The following SALL2 variants were observed in gnomAD, a reference collection of about 807,000 sequenced individuals.
SALL2 encodes the protein spalt like transcription factor 2.
In SALL2, 32 loss-of-function variants were observed where a neutral mutation model predicts 58.5. The ratio of observed to expected loss-of-function variants is 0.55; its 90% CI spans 0.41 to 0.74. The LOEUF is 0.74. Among genes scored for constraint, SALL2 ranks in the 30% least tolerant of loss-of-function variants. SALL2 has a pLI of 0.00. For synonymous variants in SALL2, 516 were observed against 513.6 expected, an observed-to-expected ratio of 1.00 and a Z score of -0.06; for missense variants, 1,201 against 1,268.9, an observed-to-expected ratio of 0.95 and a Z score of 0.81.
At position 21,524,731 on chromosome 14, in the gene SALL2, G is replaced by A. The variant is rs1337199859; in HGVS notation, c.991C>T (p.Leu331Phe). Residue 331 changes from leucine (L) to phenylalanine (F), a missense_variant, in exon 2 of 2, where the codon CTT becomes TTT. Coordinates refer to ENST00000537235, the MANE Select transcript of SALL2 (RefSeq NM_001364564.1). ...GCCTCAAGGCCTCGGGCTGCCCCAA[G>A]ACACTGTGCTGCCAGTAGTCCCGTG... ...STTGLLAAQCLGAARGLEATA... is the reference protein window; with the variant it reads ...STTGLLAAQCFGAARGLEATA... 1.2e-6 allele frequency: 2 copies of A among 1,612,366 alleles called. No individual in the cohort carries two copies. The highest frequency in any genetic ancestry group is 4.5e-5 in the East Asian group (2 of 44,870).
chr14:21,536,734 G>A, intron 1 of SALL2: 1 of 745,744 alleles, frequency 1.3e-6, no homozygotes, highest in Non-Finnish European at 2.3e-6. Flanking sequence ...CAAACCCCCA[G>A]TGACCAAGTC....
rs934979933 is a variant in SALL2 at position 21,536,957 on chromosome 14, C to G, written c.-114+5G>C. The stretch of plus-strand genomic sequence containing the variant: ...AGAGTTGGGAGAGGGAGGGGCAACG[C>G]TCACTTGGTCTTAACCGGGGTGACC... On this transcript the variant is annotated splice_donor_5th_base_variant and intron_variant, in intron 1 of 1. Coordinates refer to the SALL2 transcript ENST00000541965. The G allele has an allele frequency of 2.5e-6, 4 of 1,595,280 alleles. No homozygotes were observed. In the African/African-American group the frequency reaches 5.4e-5, roughly 21 times the overall value.
upstream of SALL2, chr14:21,537,112 ACTCTCT>A: frequency 1.7e-6 from 1 of 576,000 alleles, no homozygotes; most frequent in South Asian, 2.2e-5. Context: ...TCTGTTCTTG[ACTCTCT>A]CTCTTTCTCT....
At chr14:21,535,346 A>C (rs1414278000) in intron 1 of SALL2, among the ~76,000 whole-genome samples, 1 of 144,790 alleles carries the variant, frequency 6.9e-6, no homozygotes, top group Non-Finnish European at 1.5e-5. Flanking sequence ...CTCTCTCTCA[A>C]AAAAAAAAAA....
intron 1 of SALL2, among the ~76,000 whole-genome samples, chr14:21,531,525 C>T (rs189590575): frequency 6.6e-6 from 1 of 151,606 alleles, no homozygotes; most frequent in African/African-American, 2.4e-5. Flanking sequence ...TCCTGCCTCA[C>T]CCTCCCTAGT....
rs1268107540 is a variant in SALL2, at chr14:21,524,021, G to A, written c.1701C>T (p.Ser567=). Residue 567 remains serine, a synonymous_variant, in exon 2 of 2, where the codon TCC becomes TCT. Coordinates refer to ENST00000537235, the MANE Select transcript of SALL2 (RefSeq NM_001364564.1). ...SWALLTNHFK[S]TGSFPFPYVL... ...CATAGGGGAAGGGGAAGCTGCCAGT[G>A]GACTTGAAGTGGTTGGTAAGCAGTG... 3.7e-6 allele frequency: 6 copies of A among 1,614,226 alleles called. No homozygotes were observed. The South Asian group carries it at 6.6e-5, about 18-fold the overall frequency.
At chr14:21,527,458 C>G (rs1420090274), upstream of SALL2, among the ~76,000 whole-genome samples, 1 of 152,170 alleles carries the variant, frequency 6.6e-6, no homozygotes, top group African/African-American at 2.4e-5. Context: ...CTCTTACATG[C>G]AGGAAGTGAC....
At chr14:21,533,716 C>T (rs1208016274) in intron 1 of SALL2, among the ~76,000 whole-genome samples, 4 of 151,718 alleles carry the variant, frequency 2.6e-5, no homozygotes, top group African/African-American at 7.3e-5. Context: ...TGAGCAAAAA[C>T]GGCTGGAAAA....
At position 21,523,832 on chromosome 14, in the gene SALL2, C is replaced by G; in HGVS notation, c.1890G>C (p.Gln630His). Residue 630 changes from glutamine to histidine, a missense_variant, in exon 2 of 2, where the codon CAG becomes CAC. This residue lies in a region of SALL2 where 675 missense variants were observed against 683.8 expected (regional missense o/e 0.99). Coordinates refer to ENST00000537235, the MANE Select transcript of SALL2 (RefSeq NM_001364564.1). The surrounding 1 kb of genome is among the most constrained non-coding windows in gnomAD (Gnocchi z 4.4). ...PSSSASSGPN[Q>H]CVICLRVLSC... ...TAAGCACTCGGAGACAGATGACACA[C>G]TGGTTAGGTCCAGAAGAGGCTGAGG... 1.2e-6 allele frequency: 2 copies of G among 1,614,172 alleles called. No homozygotes were observed. The highest frequency in any genetic ancestry group is 1.1e-5 in the South Asian group (1 of 91,082).
In SALL2 at chr14:21,525,009, G is replaced by T. The variant is rs966906195; in HGVS notation, c.713C>A (p.Pro238His). 9 of 1,613,774 alleles carry T rather than the reference G, an allele frequency of 5.6e-6. No individual in the cohort carries two copies. The highest frequency in any genetic ancestry group is 7.6e-6 in the Non-Finnish European group (9 of 1,179,900). The change falls in exon 2 of 2, where the codon CCC becomes CAC. Residue 238 changes from proline to histidine, a missense_variant. Transcript: ENST00000537235. This position sits in a 1 kb window ranked among gnomAD's most constrained non-coding sequence, Gnocchi z 4.4. The stretch of plus-strand genomic sequence containing the variant: ...GACAGGCTTGATGGGGCTGAAGAGG[G>T]GTAGTAGGGGCTTGGTGGAAGAGGC... The part of the protein sequence containing the change: ...GTASSTKPLL[P>H]LFSPIKPVQT...
chr14:21,527,416 C>G (rs988402925), upstream of SALL2, among the ~76,000 whole-genome samples: 1 of 152,144 alleles, frequency 6.6e-6, no homozygotes, highest in Non-Finnish European at 1.5e-5. Context: ...TGAAATGAGT[C>G]TTAAAGTGCT....
Position 21,524,685 on chromosome 14 carries a change from A to G in SALL2, c.1037T>C (p.Leu346Pro). 2 of 1,614,038 alleles carry G rather than the reference A, an allele frequency of 1.2e-6. No individual in the cohort carries two copies. The highest frequency in any genetic ancestry group is 1.7e-6 in the Non-Finnish European group (2 of 1,180,024). Residue 346 changes from leucine to proline, a missense_variant, in exon 2 of 2, where the codon CTG (leucine) becomes CCG (proline). This residue lies in a region of SALL2 where 467 missense variants were observed against 468.9 expected (regional missense o/e 1.00). Transcript: ENST00000537235. ...CTCACCACTTCCATTCTTTGGCTTC[A>G]GGAGCCCTGGGGAGGCAGTGGCCTC... ...GLEATASPGL[L>P]KPKNGSGELS... is the part of the protein sequence containing the mutation.
chr14:21,521,946 T>C lies in SALL2; in HGVS notation c.*758A>G. 1 of 1,492,066 alleles carries C rather than the reference T, an allele frequency of 6.7e-7. No homozygotes were observed. Among genetic ancestry groups the C allele is most frequent in the African/African-American group, 1.4e-5 (1 of 72,310 alleles). 92.4% of individuals were successfully genotyped at this position (1,492,066 alleles called of 1,614,324 possible). On this transcript the variant is annotated 3_prime_UTR_variant, in exon 2 of 2. Coordinates refer to ENST00000537235, the MANE Select transcript of SALL2 (RefSeq NM_001364564.1). Reference sequence around the variant, plus strand: ...TTCCTAGGGTTGGGTCACCAATTACTGGAGCATCTTCAGTACCGGCACCTT... The same window carrying C: ...TTCCTAGGGTTGGGTCACCAATTACCGGAGCATCTTCAGTACCGGCACCTT...
At position 21,522,819 on chromosome 14, in the gene SALL2, G is replaced by A. The variant is rs368220424; in HGVS notation, c.2903C>T (p.Ala968Val). Residue 968 changes from alanine to valine, a missense_variant, in exon 2 of 2, where the codon GCC (alanine) becomes GTC (valine). Transcript: ENST00000537235. ...LLAHHQVQPFAPHGPQNIAAL... is the reference protein window; with the variant it reads ...LLAHHQVQPFVPHGPQNIAAL... The stretch of plus-strand genomic sequence containing the variant: ...AGCAATATTCTGAGGGCCATGGGGG[G>A]CAAAGGGCTGTACCTGGTGGTGTGC... 6 of 1,608,610 alleles carry A rather than the reference G, an allele frequency of 3.7e-6. No individual in the cohort carries two copies. In the East Asian group the frequency reaches 6.7e-5, roughly 18 times the overall value.
chr14:21,522,662 C>G lies in SALL2; in HGVS notation c.*42G>C, dbSNP rs45458492. The G allele has an allele frequency of 0.01, 15,113 of 1,506,248 alleles. 88 individuals are homozygous for G. The highest frequency in any genetic ancestry group is 0.012 in the Non-Finnish European group (13,613 of 1,128,898). The allele number at this position is 1,506,248 out of a possible 1,614,324, so 93.3% of individuals were successfully genotyped here. ...GGGAGGTCCTTTTGTGAAGCTGTTT[C>G]TGCTCTGTGGGACAAAGAGCAGCAG... On this transcript the variant is annotated 3_prime_UTR_variant, in exon 2 of 2. Transcript: ENST00000537235.
rs772181707 is a variant in SALL2 at position 21,525,450 on chromosome 14, T to A, written c.272A>T (p.Asp91Val). Reference sequence around the variant, plus strand: ...ATCTGGGGGGTTGCTATGCTCTGTGTCCATGACCTGAGGATTATTGTGACC... The same window carrying A: ...ATCTGGGGGGTTGCTATGCTCTGTGACCATGACCTGAGGATTATTGTGACC... ...PEGHNNPQVM[D>V]TEHSNPPDSG... Residue 91 changes from aspartate (D) to valine (V), a missense_variant, in exon 2 of 2, where the codon GAC becomes GTC. Coordinates refer to ENST00000537235, the MANE Select transcript of SALL2 (RefSeq NM_001364564.1). The surrounding 1 kb of genome is among the most constrained non-coding windows in gnomAD (Gnocchi z 4.4). 13 of 1,613,856 alleles carry A rather than the reference T, an allele frequency of 8.1e-6. No individual in the cohort carries two copies. The South Asian group carries it at 1.4e-4, about 18-fold the overall frequency.
rs762983748 is a variant in SALL2, at chr14:21,522,658, G to C, written c.*46C>G. On this transcript the variant is annotated 3_prime_UTR_variant, in exon 2 of 2. Coordinates refer to ENST00000537235, the MANE Select transcript of SALL2 (RefSeq NM_001364564.1). ...CTCTGGGAGGTCCTTTTGTGAAGCT[G>C]TTTCTGCTCTGTGGGACAAAGAGCA... is the stretch of plus-strand genomic sequence containing the variant. 1 of 1,505,658 alleles carries C rather than the reference G, an allele frequency of 6.6e-7. No individual in the cohort carries two copies. The highest frequency in any genetic ancestry group is 1.4e-5 in the African/African-American group (1 of 71,594). 93.3% of individuals were successfully genotyped at this position (1,505,658 alleles called of 1,614,324 possible).
chr14:21,523,009 T>A lies in SALL2; in HGVS notation c.2713A>T (p.Ser905Cys), dbSNP rs762097237. 3.1e-6 allele frequency: 5 copies of A among 1,613,964 alleles called. No individual in the cohort carries two copies. The Admixed American group carries it at 8.3e-5, about 27-fold the overall frequency. Residue 905 changes from serine (S) to cysteine (C), a missense_variant, in exon 2 of 2, where the codon AGC becomes TGC. Transcript: ENST00000537235. The surrounding 1 kb of genome is among the most constrained non-coding windows in gnomAD (Gnocchi z 4.4). ...QEAMRKEPGESSSRKACEVCG... is the reference protein window; with the variant it reads ...QEAMRKEPGECSSRKACEVCG... ...ACTTCGCAGGCCTTTCTGCTGCTGC[T>A]CTCTCCTGGCTCCTTTCTCATTGCC...
rs756536876 is a variant in SALL2 at position 21,522,729 on chromosome 14, C to T, written c.2993G>A (p.Arg998Gln). ...TCATGGGATCGTGGGGTCATCTTTT[C>T]GGGGAAAGGGGGAGAGCCCTGTGGA... is the stretch of plus-strand genomic sequence containing the variant. ...ITSTGLSPFP[R>Q]KDDPTIP Residue 998 changes from arginine (R) to glutamine (Q), a missense_variant, in exon 2 of 2, where the codon CGA becomes CAA. Arg to Gln is a conservative substitution (Grantham distance 43). Coordinates refer to ENST00000537235, the MANE Select transcript of SALL2 (RefSeq NM_001364564.1). 9.8e-6 allele frequency: 15 copies of T among 1,526,676 alleles called. No individual in the cohort carries two copies. The highest frequency in any genetic ancestry group is 1.8e-4 in the Middle Eastern group (1 of 5,622). 94.6% of individuals were successfully genotyped at this position (1,526,676 alleles called of 1,614,324 possible).
Sources: allele counts gnomAD v4.1 joint callset (sites outside exome capture counted in the v4.1 genomes callset), GRCh38; gene constraint gnomAD v4.1.1; regional missense constraint gnomAD v4.1.1; non-coding constraint Gnocchi (gnomAD v3.1); transcripts MANE v1.5; gene names NCBI Gene and HGNC (gene_info 2026-07-23, HGNC 2026-07-21).